The following DIP2B variants were observed in gnomAD, a reference collection of about 807,000 sequenced individuals.
The protein encoded by DIP2B is disco-interacting protein 2 homolog B.
DIP2B carries 76 observed loss-of-function variants against 198.0 expected under a neutral mutation model. The observed-to-expected ratio is 0.38, with a 90% CI of 0.32 to 0.46. DIP2B has a LOEUF of 0.46. Among genes scored for constraint, DIP2B ranks in the 20% least tolerant of loss-of-function variants. The pLI is 0.99. For missense variants in DIP2B, 1,559 were observed against 1,978.4 expected, an observed-to-expected ratio of 0.79 and a Z score of 4.02; for synonymous variants, 701 against 739.1, an observed-to-expected ratio of 0.95 and a Z score of 0.84.
At chr12:50,671,941 C>T (rs1592120533) in intron 5 of DIP2B, among the ~76,000 whole-genome samples, 1 of 152,198 alleles carries the variant, frequency 6.6e-6, no homozygotes, top group South Asian at 2.1e-4. Context: ...GCAGATGCTA[C>T]TATACAGAGT....
At chr12:50,694,475 A>G (rs1939271200) in intron 14 of DIP2B, among the ~76,000 whole-genome samples, 1 of 151,984 alleles carries the variant, frequency 6.6e-6, no homozygotes, top group South Asian at 2.1e-4. Context: ...AGCCTGGGCA[A>G]CAGAGCAGGA....
At chr12:50,724,685 A>G (rs867203719) in intron 27 of DIP2B, 90 bp from the exon 28 acceptor site, 34 of 1,038,772 alleles carry the variant, frequency 3.3e-5, no homozygotes, top group Middle Eastern at 5.5e-4. Flanking sequence ...CCAGTGTGGT[A>G]CATGAGTGGC....
intron 1 of DIP2B, among the ~76,000 whole-genome samples, chr12:50,569,755 T>A (rs1012312806): frequency 3.9e-5 from 6 of 152,228 alleles, no homozygotes; most frequent in African/African-American, 1.4e-4. Flanking sequence ...TTAAGAGTTA[T>A]TATATAAATA....
At chr12:50,558,663 C>G (rs958722260) in intron 1 of DIP2B, among the ~76,000 whole-genome samples, 6 of 152,056 alleles carry the variant, frequency 3.9e-5, no homozygotes, top group African/African-American at 1.4e-4. Flanking sequence ...CATTAAATGA[C>G]AGTAAGAAAA....
At chr12:50,626,553 A>G (rs1430672679) in intron 2 of DIP2B, among the ~76,000 whole-genome samples, 8 of 152,228 alleles carry the variant, frequency 5.3e-5, no homozygotes, top group Non-Finnish European at 1.0e-4. Context: ...AATTAATTTC[A>G]TGCTTAATGC....
intron 1 of DIP2B, among the ~76,000 whole-genome samples, chr12:50,600,898 C>T (rs1958929121): frequency 1.3e-5 from 1 of 75,168 alleles, no homozygotes; most frequent in African/African-American, 1.1e-4. Context: ...CCACCATCAC[C>T]ACCACCACCA....
chr12:50,740,854 C>T (rs1259163930), intron 36 of DIP2B, among the ~76,000 whole-genome samples: 1 of 152,170 alleles, frequency 6.6e-6, no homozygotes, highest in Non-Finnish European at 1.5e-5. Flanking sequence ...TCCTGTCTTT[C>T]CTCTGTCCCT....
At chr12:50,699,926 A>G (rs1232111176) in intron 19 of DIP2B, among the ~76,000 whole-genome samples, 1 of 152,012 alleles carries the variant, frequency 6.6e-6, no homozygotes, top group African/African-American at 2.4e-5. Context: ...AGGCCTCACA[A>G]AAATTCACTG....
intron 22 of DIP2B, among the ~76,000 whole-genome samples, chr12:50,710,197 T>G (rs1232095041): frequency 6.6e-6 from 1 of 152,234 alleles, no homozygotes; most frequent in Admixed American, 6.5e-5. Context: ...CAGAGCCCGG[T>G]AGCTATGCTA....
chr12:50,608,783 A>G (rs1172436227), intron 1 of DIP2B, among the ~76,000 whole-genome samples: 2 of 152,220 alleles, frequency 1.3e-5, no homozygotes, highest in East Asian at 1.9e-4. Flanking sequence ...GAAGTAAACC[A>G]TATTTACTTT....
intron 1 of DIP2B, among the ~76,000 whole-genome samples, chr12:50,546,933 C>T (rs1958382814): frequency 6.6e-6 from 1 of 152,044 alleles, no homozygotes; most frequent in South Asian, 2.1e-4. Context: ...TAATACAAAA[C>T]AATTAAAAAA....
At chr12:50,668,559 CCCATTTTCCATAAA>C (rs772890459) in intron 4 of DIP2B, among the ~76,000 whole-genome samples, 3 of 152,124 alleles carry the variant, frequency 2.0e-5, no homozygotes, top group Non-Finnish European at 2.9e-5. Flanking sequence ...CATAATGAAA[CCCATTTTCCATAAA>C]CCTAATCATG....
chr12:50,737,220 G>A, intron 35 of DIP2B, 110 bp downstream of exon 35: 1 of 1,007,794 alleles, frequency 9.9e-7, no homozygotes, highest in Non-Finnish European at 1.5e-6. Context: ...CGTTGTGAAT[G>A]GAGTTAATTT....
At chr12:50,733,334 T>C (rs1940082270) in intron 32 of DIP2B, among the ~76,000 whole-genome samples, 1 of 151,532 alleles carries the variant, frequency 6.6e-6, no homozygotes, top group African/African-American at 2.4e-5. Context: ...TTATTCTTGA[T>C]GGGTAAATAA....
chr12:50,699,092 G>A lies in DIP2B; in HGVS notation c.2215G>A (p.Gly739Arg). 1.2e-6 allele frequency: 2 copies of A among 1,614,138 alleles called. No individual in the cohort carries two copies. The highest frequency in any genetic ancestry group is 1.7e-6 in the Non-Finnish European group (2 of 1,180,016). Reference sequence around the variant, plus strand: ...GATGATGTGCATTGTGAAACCAGATGGACCTCCCCAGCTCTGCAAAACAGA... The same window carrying A: ...GATGATGTGCATTGTGAAACCAGATAGACCTCCCCAGCTCTGCAAAACAGA... ...GGMMCIVKPD[G>R]PPQLCKTDEI... The change falls in exon 19 of 38, where the codon GGA becomes AGA. Residue 739 changes from glycine to arginine, a missense_variant. Gly to Arg is a moderately radical substitution (Grantham distance 125). Transcript: ENST00000301180.
chr12:50,720,387 T>C (rs1939813136), intron 25 of DIP2B, among the ~76,000 whole-genome samples: 1 of 151,816 alleles, frequency 6.6e-6, no homozygotes, highest in South Asian at 2.1e-4. Flanking sequence ...AGGGGACTTA[T>C]CCAAAGTATA....
chr12:50,591,608 TTTTCTTTC>T (rs574854517), intron 1 of DIP2B, among the ~76,000 whole-genome samples: 13 of 151,474 alleles, frequency 8.6e-5, no homozygotes, highest in Non-Finnish European at 1.5e-4. Context: ...TAATTTTTCT[TTTTCTTTC>T]TTTCTTTCTT....
At chr12:50,643,349 T>G (rs1938292704) in intron 3 of DIP2B, among the ~76,000 whole-genome samples, 2 of 150,764 alleles carry the variant, frequency 1.3e-5, no homozygotes, top group Non-Finnish European at 3.0e-5. Context: ...GTTGGTTAGG[T>G]GCAGGTATAC....
chr12:50,598,036 C>T (rs1241916935), intron 1 of DIP2B, among the ~76,000 whole-genome samples: 8 of 152,196 alleles, frequency 5.3e-5, no homozygotes, highest in Non-Finnish European at 1.2e-4. Flanking sequence ...ATATGACTGA[C>T]TGATGTAAGT....
Sources: allele counts gnomAD v4.1 joint callset (sites outside exome capture counted in the v4.1 genomes callset), GRCh38; gene constraint gnomAD v4.1.1; transcripts MANE v1.5; gene names NCBI Gene and HGNC (gene_info 2026-07-23, HGNC 2026-07-21).